The following SPINK4 variants were observed in gnomAD, a reference collection of about 807,000 sequenced individuals.
SPINK4 encodes serine protease inhibitor Kazal-type 4.
Under a neutral mutation model 12.3 loss-of-function variants are expected in SPINK4, and 10 were observed. The ratio of observed to expected loss-of-function variants is 0.81; its 90% CI spans 0.50 to 1.37. SPINK4 has a LOEUF of 1.37. Among genes scored for constraint, SPINK4 ranks in the 40% most tolerant of loss-of-function variants. The pLI, the probability that SPINK4 is intolerant of heterozygous loss-of-function variation, is 0.00. For synonymous variants in SPINK4, 37 were observed against 40.2 expected, an observed-to-expected ratio of 0.92 and a Z score of 0.30; for missense variants, 91 against 109.0, an observed-to-expected ratio of 0.84 and a Z score of 0.73.
Position 33,248,522 on chromosome 9 carries a change from G to A in SPINK4, c.*51G>A. 1 of 1,601,556 alleles carries A rather than the reference G, an allele frequency of 6.2e-7. No individual in the cohort carries two copies. The highest frequency in any genetic ancestry group is 8.5e-7 in the Non-Finnish European group (1 of 1,170,164). ...AAGTGTCAGCTGGAGAACAGTGGTGGGCATGGAGAGGATATGACATGAAAT... is the reference window on the plus strand; with the variant it reads ...AAGTGTCAGCTGGAGAACAGTGGTGAGCATGGAGAGGATATGACATGAAAT... On this transcript the variant is annotated 3_prime_UTR_variant, in exon 4 of 4. Transcript: ENST00000379721.
chr9:33,246,217 C>T (rs1587780912), intron 2 of SPINK4, among the ~76,000 whole-genome samples: 1 of 149,280 alleles, frequency 6.7e-6, no homozygotes, highest in South Asian at 2.1e-4. Context: ...TGGGTGGTTC[C>T]GTATCCTGGG....
rs372127190 is a variant in SPINK4, at chr9:33,240,277, G to A, written c.61+8G>A. The stretch of plus-strand genomic sequence containing the variant: ...TCCTTGTTGTGGACAGGGGTGAGTG[G>A]GCAGAACCTGGATTCTCTGTGGCTT... On this transcript the variant is annotated splice_region_variant and intron_variant, in intron 1 of 3. Transcript: ENST00000379721. 5 of 1,595,306 alleles carry A rather than the reference G, an allele frequency of 3.1e-6. No homozygotes were observed. In the African/African-American group the frequency reaches 5.4e-5, roughly 17 times the overall value.
At chr9:33,244,117 C>A (rs1002858901) in intron 1 of SPINK4, among the ~76,000 whole-genome samples, 1 of 152,206 alleles carries the variant, frequency 6.6e-6, no homozygotes, top group African/African-American at 2.4e-5. Flanking sequence ...TTTACATAAA[C>A]GCCCTTCCTT....
At position 33,242,265 on chromosome 9, in the gene SPINK4, G is replaced by T. The variant is rs1254700974; in HGVS notation, c.61+1996G>T. 2.6e-5 allele frequency among the ~76,000 whole-genome samples: 4 copies of T among 152,220 alleles called. No individual in the cohort carries two copies. The South Asian group carries it at 6.2e-4, about 24-fold the overall frequency. ...CCCAAGGAGCTCAGGTGCATAGGGA[G>T]GCGGGGTGACCCAGTGAGTGGGACA... On this transcript the variant is annotated intron_variant, in intron 1 of 3. Transcript: ENST00000379721.
In SPINK4 at chr9:33,243,883, A is replaced by C. The variant is rs572445187; in HGVS notation, c.62-1229A>C. 9.2e-5 allele frequency among the ~76,000 whole-genome samples: 14 copies of C among 152,242 alleles called. No individual in the cohort carries two copies. In the South Asian group the frequency reaches 2.9e-3, roughly 32 times the overall value. ...AAAATATAAAACTACATTGCCTTGC[A>C]CACCTCCAGTGATGGGAAACTCACT... is the stretch of plus-strand genomic sequence containing the variant. On this transcript the variant is annotated intron_variant, in intron 1 of 3. Coordinates refer to ENST00000379721, the MANE Select transcript of SPINK4 (RefSeq NM_014471.3).
chr9:33,247,741 T>C (rs1380279805), intron 3 of SPINK4: 1 of 152,452 alleles, frequency 6.6e-6, no homozygotes, highest in African/African-American at 2.4e-5. Context: ...AGTTTCTTCA[T>C]CAATAAAACC....
At chr9:33,241,778 G>A (rs916369040) in intron 1 of SPINK4, among the ~76,000 whole-genome samples, 1 of 152,244 alleles carries the variant, frequency 6.6e-6, no homozygotes, top group Middle Eastern at 3.4e-3. Context: ...CAGCCTGGGG[G>A]TAAATGTAGC....
Position 33,246,745 on chromosome 9 carries a change from A to G in SPINK4, c.215+17A>G, listed in dbSNP as rs767036705. The G allele has an allele frequency of 6.2e-7, 1 of 1,610,574 alleles. No individual in the cohort carries two copies. The highest frequency in any genetic ancestry group is 2.2e-5 in the East Asian group (1 of 44,838). ...GGCCCGGATGTAAGTCTGCCCCACA[A>G]CCCCTGCTTGCTTGGGTGGGCCCCA... is the stretch of plus-strand genomic sequence containing the variant. On this transcript the variant is annotated intron_variant, in intron 3 of 3. Transcript: ENST00000379721.
intron 1 of SPINK4, among the ~76,000 whole-genome samples, chr9:33,244,867 T>C (rs1476467466): frequency 1.3e-5 from 2 of 152,196 alleles, no homozygotes; most frequent in Non-Finnish European, 2.9e-5. Context: ...CAGTGGGATC[T>C]AACTAACAAG....
chr9:33,241,978 G>A (rs537947257), intron 1 of SPINK4, among the ~76,000 whole-genome samples: 1 of 152,046 alleles, frequency 6.6e-6, no homozygotes, highest in Non-Finnish European at 1.5e-5. Flanking sequence ...CTCCTAGGTT[G>A]AAGCAATTAT....
chr9:33,241,435 C>A (rs985399177), intron 1 of SPINK4, among the ~76,000 whole-genome samples: 9 of 152,156 alleles, frequency 5.9e-5, no homozygotes, highest in African/African-American at 1.9e-4. Flanking sequence ...CCAGTTAGGA[C>A]CCGCCTGGAC....
chr9:33,245,335 GC>G (rs1379495704), intron 2 of SPINK4, among the ~76,000 whole-genome samples, 183 bp downstream of exon 2: 3 of 152,126 alleles, frequency 2.0e-5, no homozygotes, highest in Non-Finnish European at 4.4e-5. Context: ...AGTAGGCCCA[GC>G]CCCCTCACCC....
intron 1 of SPINK4, among the ~76,000 whole-genome samples, chr9:33,244,117 C>T (rs1002858901): frequency 6.6e-6 from 1 of 152,206 alleles, no homozygotes; most frequent in Non-Finnish European, 1.5e-5. Context: ...TTTACATAAA[C>T]GCCCTTCCTT....
intron 3 of SPINK4, among the ~76,000 whole-genome samples, chr9:33,247,496 G>A (rs762877944): frequency 6.6e-6 from 1 of 151,996 alleles, no homozygotes; most frequent in Non-Finnish European, 1.5e-5. Context: ...GGGATCAGTG[G>A]GGCACACAGG....
intron 3 of SPINK4, among the ~76,000 whole-genome samples, chr9:33,247,436 AG>A (rs1324867030): frequency 6.6e-6 from 1 of 151,682 alleles, no homozygotes; most frequent in Non-Finnish European, 1.5e-5. Context: ...CCAAAGTGCT[AG>A]GATTACAGGC....
intron 1 of SPINK4, among the ~76,000 whole-genome samples, chr9:33,244,397 A>G (rs1587780316): frequency 2.0e-5 from 3 of 152,138 alleles, no homozygotes; most frequent in South Asian, 2.1e-4. Flanking sequence ...TGAGCTATAC[A>G]TGCAATTTAC....
In SPINK4 at chr9:33,247,241, C is replaced by T. The variant is rs551990601; in HGVS notation, c.215+513C>T. ...TGGCACGATCTTGGCTCATTGCAAC[C>T]TCCGCCTCCTGGGTTCAAGTATTCT... On this transcript the variant is annotated intron_variant, in intron 3 of 3. Coordinates refer to ENST00000379721, the MANE Select transcript of SPINK4 (RefSeq NM_014471.3). 4.7e-5 allele frequency among the ~76,000 whole-genome samples: 7 copies of T among 150,318 alleles called. No homozygotes were observed. In the South Asian group the frequency reaches 8.4e-4, roughly 18 times the overall value.
At position 33,246,725 on chromosome 9, in the gene SPINK4, G is replaced by A. The variant is rs140712741; in HGVS notation, c.212G>A (p.Arg71Gln). 1.1e-4 allele frequency: 171 copies of A among 1,613,642 alleles called. 1 individual carries two copies. The highest frequency in any genetic ancestry group is 5.5e-4 in the South Asian group (50 of 91,072). Residue 71 changes from arginine to glutamine, a missense_variant, in exon 3 of 4, where the codon CGG becomes CAG. Transcript: ENST00000379721. ...AATGAATGCCAGCTCTGCTTGGCCC[G>A]GATGTAAGTCTGCCCCACAACCCCT... ...YTNECQLCLARIKTKQDIQIM... is the reference protein window; with the variant it reads ...YTNECQLCLAQIKTKQDIQIM...
At chr9:33,242,112 C>T (rs1375416843) in intron 1 of SPINK4, among the ~76,000 whole-genome samples, 1 of 152,090 alleles carries the variant, frequency 6.6e-6, no homozygotes, top group East Asian at 1.9e-4. Flanking sequence ...ACTTCCAACC[C>T]CAAGATTTGC....
Sources: gnomAD v4.1 joint callset for allele counts (sites outside exome capture counted in the v4.1 genomes callset) on GRCh38, gnomAD v4.1.1 for gene constraint, MANE v1.5 for transcripts, NCBI Gene and HGNC (gene_info 2026-07-23, HGNC 2026-07-21) for gene names.